PLPP1: variants seen among roughly 807,000 people sequenced by gnomAD.
The protein encoded by PLPP1 is lipid phosphate phosphohydrolase 1a.
Under a neutral mutation model 31.2 loss-of-function variants are expected in PLPP1, and 24 were observed. The ratio of observed to expected loss-of-function variants is 0.77; its 90% CI spans 0.56 to 1.08. The LOEUF is 1.08. Ranked by LOEUF, PLPP1 falls within the 50% of genes least tolerant of loss-of-function variation. The probability of loss-of-function intolerance (pLI) is 0.00; values close to 1 mark genes in which losing one functional copy is unlikely to be tolerated. For missense variants in PLPP1, 319 were observed against 342.7 expected (o/e 0.93, Z 0.55); for synonymous variants, 146 against 126.3 (o/e 1.16, Z -1.05).
chr5:55,534,104 G>A (rs1020956862), intron 1 of PLPP1, among the ~76,000 whole-genome samples: 1 of 152,066 alleles, frequency 6.6e-6, no homozygotes, highest in Non-Finnish European at 1.5e-5. Context: ...CTTCTAATTA[G>A]GAACTAGTTC....
In PLPP1 at chr5:55,483,049, C is replaced by T. The variant is rs533724282; in HGVS notation, c.59-7599G>A. Reference sequence around the variant, plus strand: ...CAAACTTTTCAAATGTGGTATTCCACAACAATTCAACCCAAAAAATGTATC... The same window carrying T: ...CAAACTTTTCAAATGTGGTATTCCATAACAATTCAACCCAAAAAATGTATC... On this transcript the variant is annotated intron_variant, in intron 1 of 5. Transcript: ENST00000307259. 3.3e-5 allele frequency among the ~76,000 whole-genome samples: 5 copies of T among 152,206 alleles called. No homozygotes were observed. The South Asian group carries it at 1.0e-3, about 32-fold the overall frequency.
At chr5:55,502,270 C>T (rs889597555) in intron 1 of PLPP1, among the ~76,000 whole-genome samples, 1 of 152,134 alleles carries the variant, frequency 6.6e-6, no homozygotes, top group African/African-American at 2.4e-5. Flanking sequence ...AGGCAGATCA[C>T]GAGGTCAAGA....
At chr5:55,516,538 AC>A (rs778390957) in intron 1 of PLPP1, among the ~76,000 whole-genome samples, 31 of 152,364 alleles carry the variant, frequency 2.0e-4, no homozygotes, top group South Asian at 1.0e-3. Context: ...TGTGGAATAA[AC>A]AAATGCCCAC....
intron 1 of PLPP1, among the ~76,000 whole-genome samples, chr5:55,521,253 T>C (rs1408191892): frequency 6.6e-6 from 1 of 151,688 alleles, no homozygotes; most frequent in African/African-American, 2.4e-5. Context: ...CTCGGGAGGC[T>C]GAGGCAGGAA....
intron 1 of PLPP1, among the ~76,000 whole-genome samples, chr5:55,502,104 A>G (rs1753158705): frequency 6.6e-6 from 1 of 152,244 alleles, no homozygotes; most frequent in African/African-American, 2.4e-5. Context: ...ACGCATTAAT[A>G]TAAACCAGCT....
intron 5 of PLPP1, 186 bp downstream of exon 5, chr5:55,425,677 A>C: frequency 1.9e-6 from 1 of 516,200 alleles, no homozygotes; most frequent in Non-Finnish European, 3.2e-6. Context: ...AAAACTACTA[A>C]GTTTTAGAAA....
At chr5:55,486,575 G>A (rs987288836) in intron 1 of PLPP1, among the ~76,000 whole-genome samples, 3 of 151,946 alleles carry the variant, frequency 2.0e-5, no homozygotes, top group Admixed American at 2.0e-4. Flanking sequence ...AACAGAGCCA[G>A]ACTCCATCTC....
chr5:55,469,082 T>C (rs1231626836), intron 2 of PLPP1, among the ~76,000 whole-genome samples: 1 of 152,210 alleles, frequency 6.6e-6, no homozygotes, highest in East Asian at 1.9e-4. Context: ...CAATGCTTTA[T>C]AAGTTAACAA....
At chr5:55,519,440 G>T (rs946330913) in intron 1 of PLPP1, among the ~76,000 whole-genome samples, 9 of 152,164 alleles carry the variant, frequency 5.9e-5, no homozygotes, top group African/African-American at 2.2e-4. Flanking sequence ...TCAAAAGTGT[G>T]TTTTTTAAAA....
intron 1 of PLPP1, among the ~76,000 whole-genome samples, chr5:55,527,263 A>G (rs1490646171): frequency 6.6e-6 from 1 of 152,216 alleles, no homozygotes; most frequent in Non-Finnish European, 1.5e-5. Flanking sequence ...TGATGTCAGC[A>G]TTATGGTAAT....
chr5:55,518,516 G>C (rs1753599333), intron 1 of PLPP1, among the ~76,000 whole-genome samples: 1 of 151,844 alleles, frequency 6.6e-6, no homozygotes, highest in Admixed American at 6.6e-5. Flanking sequence ...TCTTTTACCA[G>C]AAGAAACATA....
intron 5 of PLPP1, 80 bp downstream of exon 5, chr5:55,425,782 AT>A: frequency 8.2e-7 from 1 of 1,219,942 alleles, no homozygotes; most frequent in Non-Finnish European, 1.1e-6. Flanking sequence ...TCAGCTGGGG[AT>A]TTTTTGGATT....
intron 1 of PLPP1, among the ~76,000 whole-genome samples, chr5:55,529,877 T>A (rs1740603457): frequency 6.6e-6 from 1 of 152,296 alleles, no homozygotes; most frequent in South Asian, 2.1e-4. Context: ...CAAGAATATT[T>A]AATATTACAA....
intron 4 of PLPP1, among the ~76,000 whole-genome samples, chr5:55,439,080 C>T (rs1751562759): frequency 6.6e-6 from 1 of 152,148 alleles, no homozygotes. Flanking sequence ...TGGTCTACAA[C>T]AAATCTATTT....
intron 4 of PLPP1, among the ~76,000 whole-genome samples, chr5:55,440,574 T>A (rs1751599798): frequency 6.6e-6 from 1 of 152,170 alleles, no homozygotes; most frequent in Non-Finnish European, 1.5e-5. Context: ...AAGGAAGCCC[T>A]AAATTCTGCT....
At chr5:55,451,158 G>T (rs183726597) in intron 3 of PLPP1, among the ~76,000 whole-genome samples, 50 of 152,282 alleles carry the variant, frequency 3.3e-4, no homozygotes, top group South Asian at 1.5e-3. Flanking sequence ...AGTAGCTCAC[G>T]CCTGTAATCC....
At position 55,425,176 on chromosome 5, in the gene PLPP1, G is replaced by A. The variant is rs985848060; in HGVS notation, c.*30C>T. The A allele has an allele frequency of 3.1e-6, 5 of 1,596,836 alleles. No homozygotes were observed. The Admixed American group carries it at 9.3e-5, about 30-fold the overall frequency. ...GCAATCATTTTCCTTTAGAAAACAG[G>A]CCAGCTTCACCTGGGCACCCTGCTG... is the stretch of plus-strand genomic sequence containing the variant. On this transcript the variant is annotated 3_prime_UTR_variant, in exon 6 of 6. Transcript: ENST00000307259.
At chr5:55,531,338 C>T (rs1740661409) in intron 1 of PLPP1, among the ~76,000 whole-genome samples, 1 of 152,156 alleles carries the variant, frequency 6.6e-6, no homozygotes, top group Admixed American at 6.5e-5. Context: ...AGATGACATA[C>T]GGACAGAAAC....
chr5:55,481,991 T>C (rs1752675050), intron 1 of PLPP1, among the ~76,000 whole-genome samples: 1 of 149,212 alleles, frequency 6.7e-6, no homozygotes. Context: ...GAAATACATA[T>C]ATATATTTTT....
Sources: allele counts gnomAD v4.1 joint callset (sites outside exome capture counted in the v4.1 genomes callset), GRCh38; gene constraint gnomAD v4.1.1; transcripts MANE v1.5; gene names NCBI Gene and HGNC (gene_info 2026-07-23, HGNC 2026-07-21).